Variants in FAF1 observed in about 807,000 individuals in gnomAD.
FAF1 encodes the protein FAS-associated factor 1.
In FAF1, 25 loss-of-function variants were observed where a neutral mutation model predicts 92.5. That is an observed-to-expected ratio of 0.27 (90% confidence interval 0.20 to 0.38). The LOEUF (loss-of-function observed/expected upper bound fraction) is 0.38, where lower values mean the gene tolerates loss of function less well. Ranked by LOEUF, FAF1 falls within the 10% of genes least tolerant of loss-of-function variation. The pLI, the probability that FAF1 is intolerant of heterozygous loss-of-function variation, is 1.00. For missense variants in FAF1, 636 were observed against 793.3 expected (o/e 0.80, Z 2.38); for synonymous variants, 234 against 273.2 (o/e 0.86, Z 1.42).
chr1:50,596,094 C>T, intron 9 of FAF1, 27 bp downstream of exon 9: 1 of 1,563,540 alleles, frequency 6.4e-7, no homozygotes, highest in South Asian at 1.1e-5. Flanking sequence ...GCCTTCTGTT[C>T]AAAGAAAAGC....
intron 1 of FAF1, among the ~76,000 whole-genome samples, chr1:50,896,398 A>G (rs1372823524): frequency 6.6e-6 from 1 of 152,224 alleles, no homozygotes; most frequent in South Asian, 2.1e-4. Flanking sequence ...AAAATATCTC[A>G]TGTGCCCCAT....
At chr1:50,939,508 C>T (rs1221603202) in intron 1 of FAF1, among the ~76,000 whole-genome samples, 15 of 152,092 alleles carry the variant, frequency 9.9e-5, no homozygotes, top group Admixed American at 9.8e-4. Context: ...CTTTTTCATT[C>T]CCTATTTGAA....
chr1:50,825,542 A>T (rs1006053007), intron 2 of FAF1, among the ~76,000 whole-genome samples: 85 of 152,168 alleles, frequency 5.6e-4, no homozygotes, highest in African/African-American at 1.8e-3. Flanking sequence ...AAACAGAATT[A>T]AAAAAATAAA....
chr1:50,922,037 G>T (rs1473014599), intron 1 of FAF1, among the ~76,000 whole-genome samples: 2 of 151,868 alleles, frequency 1.3e-5, no homozygotes, highest in East Asian at 1.9e-4. Context: ...ATGGTGGCGT[G>T]CACCTGTAAT....
At chr1:50,511,800 G>C (rs1647138097) in intron 15 of FAF1, among the ~76,000 whole-genome samples, 1 of 152,142 alleles carries the variant, frequency 6.6e-6, no homozygotes, top group Admixed American at 6.5e-5. Flanking sequence ...TCTGGTTCTA[G>C]ATCCTTGAGG....
chr1:50,784,038 C>A (rs944211066), intron 4 of FAF1, among the ~76,000 whole-genome samples: 10 of 152,142 alleles, frequency 6.6e-5, no homozygotes, highest in Admixed American at 6.5e-4. Context: ...GAAATAACCT[C>A]TACATAATAA....
chr1:50,592,690 G>A (rs569216734), intron 9 of FAF1, among the ~76,000 whole-genome samples: 4 of 152,250 alleles, frequency 2.6e-5, no homozygotes, highest in African/African-American at 9.6e-5. Flanking sequence ...ACTCACACCT[G>A]TAACCCCAAC....
intron 18 of FAF1, among the ~76,000 whole-genome samples, chr1:50,442,683 A>G (rs1646183810): frequency 6.6e-6 from 1 of 152,120 alleles, no homozygotes; most frequent in South Asian, 2.1e-4. Flanking sequence ...TGCTCCTAAT[A>G]AGATGGTTCT....
intron 6 of FAF1, among the ~76,000 whole-genome samples, chr1:50,729,205 G>T (rs935599105): frequency 1.3e-5 from 2 of 151,236 alleles, no homozygotes; most frequent in African/African-American, 2.4e-5. Flanking sequence ...ACAGGCATGC[G>T]CCACCATACC....
intron 12 of FAF1, 107 bp downstream of exon 12, chr1:50,582,511 T>C (rs1651038227): frequency 5.5e-6 from 4 of 727,334 alleles, no homozygotes; most frequent in Non-Finnish European, 9.6e-6. Flanking sequence ...TCCATGTTTT[T>C]GGAAAAAAAC....
chr1:50,490,125 C>G (rs1254229999), intron 17 of FAF1, among the ~76,000 whole-genome samples: 1 of 152,104 alleles, frequency 6.6e-6, no homozygotes, highest in Non-Finnish European at 1.5e-5. Context: ...TTTGGAAGGC[C>G]AAGGCAGGTG....
At chr1:50,502,895 C>T (rs1222575563) in intron 15 of FAF1, among the ~76,000 whole-genome samples, 1 of 152,110 alleles carries the variant, frequency 6.6e-6, no homozygotes, top group Non-Finnish European at 1.5e-5. Flanking sequence ...CCATAGCTCA[C>T]TGCAGTTTTA....
At position 50,959,993 on chromosome 1, in the gene FAF1, T is replaced by G. The variant is rs1355492863; in HGVS notation, c.-182A>C. 7.6e-6 allele frequency: 3 copies of G among 393,916 alleles called. No individual in the cohort carries two copies. The highest frequency in any genetic ancestry group is 1.3e-5 in the Non-Finnish European group (3 of 224,968). 24.4% of individuals were successfully genotyped at this position (393,916 alleles called of 1,614,324 possible). On this transcript the variant is annotated 5_prime_UTR_variant, in exon 1 of 19. The change abolishes an upstream ATG in the 5' untranslated region. Coordinates refer to ENST00000396153, the MANE Select transcript of FAF1 (RefSeq NM_007051.3). ...CAGCGCGGGAAGCGCTAGGCGCTCA[T>G]GCACTCGGTAACCTTCAGGCGCCCC...
At chr1:50,579,622 T>C (rs955641334) in intron 12 of FAF1, among the ~76,000 whole-genome samples, 1 of 152,140 alleles carries the variant, frequency 6.6e-6, no homozygotes, top group African/African-American at 2.4e-5. Context: ...CACCTAAATC[T>C]AACAAAGCTT....
At chr1:50,937,219 A>G (rs541331036) in intron 1 of FAF1, among the ~76,000 whole-genome samples, 88 of 152,224 alleles carry the variant, frequency 5.8e-4, no homozygotes, top group African/African-American at 2.1e-3. Context: ...CAACTAGGTG[A>G]AAGTCCACTC....
chr1:50,617,439 G>A (rs529791426), intron 8 of FAF1, among the ~76,000 whole-genome samples: 2 of 152,098 alleles, frequency 1.3e-5, no homozygotes, highest in South Asian at 4.1e-4. Context: ...TGTTTATGTG[G>A]TGAATCACAT....
chr1:50,446,813 T>C (rs917444170), intron 18 of FAF1, among the ~76,000 whole-genome samples: 1 of 152,112 alleles, frequency 6.6e-6, no homozygotes, highest in African/African-American at 2.4e-5. Flanking sequence ...TTCTTTTTAA[T>C]GTTCCTAATG....
chr1:50,879,730 T>C (rs895208078), intron 1 of FAF1, among the ~76,000 whole-genome samples: 2 of 152,198 alleles, frequency 1.3e-5, no homozygotes, highest in Admixed American at 6.5e-5. Context: ...GAGAACATGT[T>C]TGAAATGTAA....
At chr1:50,556,144 A>AGGAGACTG (rs1484440063) in intron 13 of FAF1, among the ~76,000 whole-genome samples, 2 of 150,048 alleles carry the variant, frequency 1.3e-5, no homozygotes, top group Admixed American at 1.3e-4. Flanking sequence ...AGGCTGAGGC[A>AGGAGACTG]GGAGACTGGC....
Sources: gnomAD v4.1 joint callset for allele counts (sites outside exome capture counted in the v4.1 genomes callset) on GRCh38, gnomAD v4.1.1 for gene constraint, MANE v1.5 for transcripts, NCBI Gene and HGNC (gene_info 2026-07-23, HGNC 2026-07-21) for gene names.